The following MED14 variants were observed in gnomAD, a reference collection of about 807,000 sequenced individuals.
The protein encoded by MED14 is mediator of RNA polymerase II transcription subunit 14.
A neutral mutation model predicts 109.0 loss-of-function variants in MED14; 8 were observed. The observed-to-expected ratio is 0.07, with a 90% CI of 0.04 to 0.13. The LOEUF is 0.13. Ranked by LOEUF, MED14 falls within the 10% of genes least tolerant of loss-of-function variation. The probability of loss-of-function intolerance (pLI) is 1.00; values close to 1 mark genes in which losing one functional copy is unlikely to be tolerated. For missense variants in MED14, 711 were observed against 1,142.4 expected (o/e 0.62, Z 5.44); for synonymous variants, 399 against 408.7 (o/e 0.98, Z 0.29).
intron 3 of MED14, among the ~76,000 whole-genome samples, chrX:40,719,881 A>G (rs1271785957): frequency 1.8e-5 from 2 of 112,292 alleles, no homozygotes; most frequent in African/African-American, 6.5e-5. Flanking sequence ...AACATTATCC[A>G]GGTTGTTTTA....
chrX:40,720,604 G>A (rs1252072158), intron 3 of MED14, among the ~76,000 whole-genome samples: 1 of 111,315 alleles, frequency 9.0e-6, no homozygotes. Context: ...AACTCCTAGT[G>A]CTAGGCTGGA....
At chrX:40,721,570 G>C (rs1213087863) in intron 3 of MED14, among the ~76,000 whole-genome samples, 1 of 112,965 alleles carries the variant, frequency 8.9e-6, no homozygotes, top group Non-Finnish European at 1.9e-5. Flanking sequence ...GGGGAAACTT[G>C]CCATCCCAAA....
chrX:40,712,244 C>T lies in MED14; in HGVS notation c.831G>A (p.Leu277=). ...CATCAGCAAAGAGCCTAGACTGCAC[C>T]AGTTGATGGATGAAGCTGATTTGCA... ...HSMQISFIHQ[L]VQSRLFADEK... is the part of the protein sequence containing the mutation. Residue 277 remains leucine, a synonymous_variant, in exon 7 of 31, where the codon CTG becomes CTA. Coordinates refer to ENST00000324817, the MANE Select transcript of MED14 (RefSeq NM_004229.4). 1.7e-6 allele frequency: 2 copies of T among 1,209,447 alleles called. No individual in the cohort carries two copies. The highest frequency in any genetic ancestry group is 2.2e-6 in the Non-Finnish European group (2 of 894,312).
chrX:40,651,341 C>T lies in MED14; in HGVS notation c.*465G>A. On this transcript the variant is annotated 3_prime_UTR_variant, in exon 31 of 31. Coordinates refer to ENST00000324817, the MANE Select transcript of MED14 (RefSeq NM_004229.4). ...GGTGTGTTTATAACAACTCCCAGAA[C>T]ATTTCATGTAAGGATTCAAAGCGGT... 1.3e-6 allele frequency: 1 copy of T among 750,698 alleles called. No homozygotes were observed. The highest frequency in any genetic ancestry group is 1.6e-6 in the Non-Finnish European group (1 of 635,935). 61.9% of individuals were successfully genotyped at this position (750,698 alleles called of 1,213,427 possible).
At position 40,650,631 on chromosome X, in the gene MED14, C is replaced by T. The variant is rs1928834414; in HGVS notation, c.*1175G>A. 1 of 752,340 alleles carries T rather than the reference C, an allele frequency of 1.3e-6. No individual in the cohort carries two copies. The highest frequency in any genetic ancestry group is 6.8e-5 in the South Asian group (1 of 14,679). The allele number at this position is 752,340 out of a possible 1,213,427, so 62.0% of individuals were successfully genotyped here. A position where few individuals can be genotyped will look rare whatever the true frequency, so the allele number is the denominator to read the frequency against. Reference sequence around the variant, plus strand: ...CACAGTGCTCCAAAAAGAAACCCTGCAGAGATGTATTAATACCAAAAACTC... The same window carrying T: ...CACAGTGCTCCAAAAAGAAACCCTGTAGAGATGTATTAATACCAAAAACTC... On this transcript the variant is annotated 3_prime_UTR_variant, in exon 31 of 31. Coordinates refer to ENST00000324817, the MANE Select transcript of MED14 (RefSeq NM_004229.4).
chrX:40,670,787 A>T (rs369760245), intron 23 of MED14, among the ~76,000 whole-genome samples: 7 of 110,949 alleles, frequency 6.3e-5, no homozygotes, highest in South Asian at 3.7e-4. Context: ...AAAAAATAAA[A>T]AAAATAAAGG....
chrX:40,666,714 A>T lies in MED14; in HGVS notation c.3265+6T>A. On this transcript the variant is annotated splice_donor_region_variant and intron_variant, in intron 24 of 30. Coordinates refer to ENST00000324817, the MANE Select transcript of MED14 (RefSeq NM_004229.4). ...ATGCTATATCGATTTCCATGTATGG[A>T]CTCACCATGTGGACTAGCAAAACTG... 1.7e-6 allele frequency: 2 copies of T among 1,208,337 alleles called. No individual in the cohort carries two copies. Among genetic ancestry groups the T allele is most frequent in the Non-Finnish European group, 2.2e-6 (2 of 893,436 alleles).
chrX:40,655,148 G>T, intron 28 of MED14, 88 bp from the exon 29 acceptor site: 1 of 911,245 alleles, frequency 1.1e-6, no homozygotes, highest in Non-Finnish European at 1.5e-6. Context: ...TTAGAATTTT[G>T]TTTCATACCC....
In MED14 at chrX:40,735,267, T is replaced by C; in HGVS notation, c.146A>G (p.Tyr49Cys). ...AAAAAAASPG[Y>C]RLSTLIEFLL... is the part of the protein sequence containing the mutation. The stretch of plus-strand genomic sequence containing the variant: ...AAATTCAATGAGGGTGCTCAGCCGG[T>C]AGCCCGGGCTAGCCGCAGCTGCAGC... The change falls in exon 1 of 31, where the codon TAC becomes TGC. Residue 49 changes from tyrosine to cysteine, a missense_variant. This residue lies in a region of MED14 where 62 missense variants were observed against 55.2 expected (regional missense o/e 1.12). Transcript: ENST00000324817. The C allele has an allele frequency of 8.8e-7, 1 of 1,140,584 alleles. No homozygotes were observed. The highest frequency in any genetic ancestry group is 1.2e-6 in the Non-Finnish European group (1 of 861,297). 94.0% of individuals were successfully genotyped at this position (1,140,584 alleles called of 1,213,427 possible). A position where few individuals can be genotyped will look rare whatever the true frequency, so the allele number is the denominator to read the frequency against.
In MED14 at chrX:40,701,156, T is replaced by C. The variant is rs189166623; in HGVS notation, c.1490+9A>G. ...CATTTTTAGTCTTGAGCTATATAAA[T>C]AAGCTTACTTAAGTTGCTGAATCCA... On this transcript the variant is annotated intron_variant, in intron 12 of 30. Coordinates refer to ENST00000324817, the MANE Select transcript of MED14 (RefSeq NM_004229.4). The C allele has an allele frequency of 8.4e-4, 973 of 1,158,466 alleles. 11 individuals carry two copies. The East Asian group carries it at 0.024, about 28-fold the overall frequency.
At position 40,685,915 on chromosome X, in the gene MED14, T is replaced by C. The variant is rs776695305; in HGVS notation, c.2057+2539A>G. On this transcript the variant is annotated intron_variant, in intron 16 of 30. Coordinates refer to ENST00000324817, the MANE Select transcript of MED14 (RefSeq NM_004229.4). ...TTGAAGTATCAACTCATATTCATAT[T>C]CAATATTAATATATCCAGAACTAAA... Among the ~76,000 whole-genome samples, 6 of 112,260 alleles carry C rather than the reference T, an allele frequency of 5.3e-5. No individual in the cohort carries two copies. The South Asian group carries it at 1.8e-3, about 34-fold the overall frequency.
chrX:40,679,417 G>A (rs996652840), intron 21 of MED14, among the ~76,000 whole-genome samples: 2 of 111,627 alleles, frequency 1.8e-5, no homozygotes, highest in African/African-American at 6.5e-5. Flanking sequence ...TGAGGCAGGA[G>A]AGGCACTTGA....
chrX:40,681,641 C>T (rs965421796), intron 19 of MED14, among the ~76,000 whole-genome samples: 5 of 111,714 alleles, frequency 4.5e-5, no homozygotes, highest in East Asian at 5.6e-4. Context: ...AGATTATATA[C>T]CCCATCATAG....
At chrX:40,698,758 A>G (rs973638080) in intron 12 of MED14, among the ~76,000 whole-genome samples, 1 of 112,515 alleles carries the variant, frequency 8.9e-6, no homozygotes, top group African/African-American at 3.2e-5. Flanking sequence ...ATTCAAAGAC[A>G]GTAACAATTG....
At chrX:40,661,516 C>T (rs750792251) in intron 26 of MED14, among the ~76,000 whole-genome samples, 25 of 112,684 alleles carry the variant, frequency 2.2e-4, no homozygotes, top group African/African-American at 7.7e-4. Flanking sequence ...CCGGCCTAAA[C>T]ATTCACCATT....
chrX:40,720,814 C>G (rs1015692115), intron 3 of MED14, among the ~76,000 whole-genome samples: 1 of 109,289 alleles, frequency 9.2e-6, no homozygotes, highest in Non-Finnish European at 1.9e-5. Flanking sequence ...AGCTCAGCCA[C>G]AGTAGGACAG....
In MED14 at chrX:40,663,018, G is replaced by A. The variant is rs1319286335; in HGVS notation, c.3591C>T (p.Gly1197=). 4.1e-6 allele frequency: 5 copies of A among 1,209,796 alleles called. No individual in the cohort carries two copies. The highest frequency in any genetic ancestry group is 5.6e-6 in the Non-Finnish European group (5 of 894,894). The part of the protein sequence containing the change: ...LPSPTPGLVP[G]LAGSYLCSPL... ...GAGAACAAAGGTAACTACCTGCCAG[G>A]CCGGGCACAAGGCCTGGAGTTGGAG... Residue 1197 remains glycine, a synonymous_variant, in exon 26 of 31, where the codon GGC becomes GGT. Coordinates refer to ENST00000324817, the MANE Select transcript of MED14 (RefSeq NM_004229.4).
At chrX:40,672,107 A>G in intron 22 of MED14, 135 bp from the exon 23 acceptor site, 1 of 362,831 alleles carries the variant, frequency 2.8e-6, no homozygotes, top group Non-Finnish European at 4.9e-6. Context: ...ATGAGATATA[A>G]AAGTGTGCAA....
At chrX:40,655,102 T>C in intron 28 of MED14, 42 bp from the exon 29 acceptor site, 1 of 1,153,371 alleles carries the variant, frequency 8.7e-7, no homozygotes, top group Non-Finnish European at 1.2e-6. Flanking sequence ...CATATAAACA[T>C]TTAAAATCAT....
Sources: allele counts gnomAD v4.1 joint callset (sites outside exome capture counted in the v4.1 genomes callset), GRCh38; gene constraint gnomAD v4.1.1; regional missense constraint gnomAD v4.1.1; transcripts MANE v1.5; gene names NCBI Gene and HGNC (gene_info 2026-07-23, HGNC 2026-07-21).